Variants in FLT1 observed in about 807,000 individuals in gnomAD.
FLT1 encodes the protein vascular endothelial growth factor receptor 1.
FLT1 carries 49 observed loss-of-function variants against 156.3 expected under a neutral mutation model. The ratio of observed to expected loss-of-function variants is 0.31; its 90% CI spans 0.25 to 0.40. The LOEUF is 0.40. FLT1 is among the 10% of genes least tolerant of loss of function. FLT1 has a pLI of 1.00. For missense variants in FLT1, 1,322 were observed against 1,637.2 expected (o/e 0.81, Z 3.32); for synonymous variants, 594 against 583.8 (o/e 1.02, Z -0.25).
intron 16 of FLT1, among the ~76,000 whole-genome samples, chr13:28,344,156 C>T (rs920786500): frequency 6.6e-6 from 1 of 152,156 alleles, no homozygotes; most frequent in Admixed American, 6.5e-5. Context: ...TTTTAGAATA[C>T]GGACCAAATT....
intron 11 of FLT1, chr13:28,399,077 GC>G: frequency 6.4e-7 from 1 of 1,551,270 alleles, no homozygotes; most frequent in Non-Finnish European, 8.7e-7. Flanking sequence ...TGGAAGAGAA[GC>G]TTGTAGGTGG....
chr13:28,319,815 C>T (rs1320272840), intron 23 of FLT1, among the ~76,000 whole-genome samples: 1 of 152,154 alleles, frequency 6.6e-6, no homozygotes, highest in Non-Finnish European at 1.5e-5. Flanking sequence ...AAATCCTCCC[C>T]CACAAAGAAA....
rs919499320 is a variant in FLT1, at chr13:28,419,271, C to G, written c.1436+7888G>C. Among the ~76,000 whole-genome samples, 4 of 152,222 alleles carry G rather than the reference C, an allele frequency of 2.6e-5. No homozygotes were observed. The East Asian group carries it at 5.8e-4, about 22-fold the overall frequency. On this transcript the variant is annotated intron_variant, in intron 10 of 29. Coordinates refer to ENST00000282397, the MANE Select transcript of FLT1 (RefSeq NM_002019.4). ...AAGGGCACTGATTTTACATTAAAGT[C>G]ACATAGATACCATATTTTAAGAAAC...
chr13:28,460,998 C>T (rs1319317658), intron 3 of FLT1, among the ~76,000 whole-genome samples: 1 of 152,034 alleles, frequency 6.6e-6, no homozygotes, highest in Non-Finnish European at 1.5e-5. Flanking sequence ...GGTTTCACTA[C>T]GTTGCCCAGG....
At chr13:28,428,071 T>C (rs1877454237) in intron 8 of FLT1, 150 bp from the exon 9 acceptor site, 1 of 686,484 alleles carries the variant, frequency 1.5e-6, no homozygotes, top group Non-Finnish European at 2.6e-6. Flanking sequence ...CATTAACTTT[T>C]GAGTAAAGGC....
At chr13:28,483,434 T>G (rs1043116469) in intron 1 of FLT1, among the ~76,000 whole-genome samples, 5 of 152,202 alleles carry the variant, frequency 3.3e-5, no homozygotes, top group African/African-American at 1.2e-4. Flanking sequence ...CCGTATAATT[T>G]CCATCTAAAG....
At chr13:28,362,724 T>C (rs1310527072) in intron 14 of FLT1, among the ~76,000 whole-genome samples, 2 of 152,204 alleles carry the variant, frequency 1.3e-5, no homozygotes, top group East Asian at 3.9e-4. Context: ...TTAAAGGACT[T>C]GGATTTCACT....
chr13:28,371,980 T>G (rs1302953093), intron 14 of FLT1, among the ~76,000 whole-genome samples: 1 of 148,080 alleles, frequency 6.8e-6, no homozygotes, highest in Non-Finnish European at 1.5e-5. Flanking sequence ...TGTCACAAGG[T>G]TGACTGTCAG....
At chr13:28,429,000 T>C (rs896421263) in intron 8 of FLT1, among the ~76,000 whole-genome samples, 1 of 152,146 alleles carries the variant, frequency 6.6e-6, no homozygotes, top group Non-Finnish European at 1.5e-5. Context: ...CCTTGCTACT[T>C]AGTTACTGAA....
intron 20 of FLT1, among the ~76,000 whole-genome samples, chr13:28,323,833 T>C (rs1871572564): frequency 6.6e-6 from 1 of 152,144 alleles, no homozygotes. Context: ...GAGAAGGCTA[T>C]AGTTACCAAT....
At chr13:28,368,610 A>G (rs370125087) in intron 14 of FLT1, 216 of 1,426,886 alleles carry the variant, frequency 1.5e-4, no homozygotes, top group Non-Finnish European at 2.0e-4. Context: ...GATGATGATG[A>G]TGATGACAAT....
At chr13:28,443,307 A>G (rs938293397) in intron 3 of FLT1, among the ~76,000 whole-genome samples, 4 of 152,220 alleles carry the variant, frequency 2.6e-5, no homozygotes, top group Admixed American at 6.5e-5. Flanking sequence ...TATTTTTTAA[A>G]TGTGTTTTTT....
At chr13:28,414,891 C>G (rs1876553947) in intron 10 of FLT1, among the ~76,000 whole-genome samples, 1 of 152,194 alleles carries the variant, frequency 6.6e-6, no homozygotes, top group Non-Finnish European at 1.5e-5. Context: ...TAGTGACTGT[C>G]AAATGACCTC....
chr13:28,305,746 G>A (rs1407031503), intron 29 of FLT1, among the ~76,000 whole-genome samples: 5 of 152,182 alleles, frequency 3.3e-5, no homozygotes, highest in East Asian at 1.9e-4. Flanking sequence ...ACACAAACTC[G>A]TAAACTTTCT....
At position 28,367,704 on chromosome 13, in the gene FLT1, C is replaced by T. The variant is rs139453084; in HGVS notation, c.2117-10019G>A. On this transcript the variant is annotated intron_variant, in intron 14 of 29. Coordinates refer to ENST00000282397, the MANE Select transcript of FLT1 (RefSeq NM_002019.4). ...GCAGGCCATGTGTTTGCCTCCTGTTCCCCCCCACACACAAAAGTGGCTTGT... is the reference window on the plus strand; with the variant it reads ...GCAGGCCATGTGTTTGCCTCCTGTTTCCCCCCACACACAAAAGTGGCTTGT... Among the ~76,000 whole-genome samples, 17 of 151,682 alleles carry T rather than the reference C, an allele frequency of 1.1e-4. 1 individual carries two copies. Among genetic ancestry groups the T allele is most frequent in the African/African-American group, 9.7e-5 (4 of 41,368 alleles).
intron 25 of FLT1, among the ~76,000 whole-genome samples, chr13:28,312,859 G>A (rs915159612): frequency 6.6e-6 from 1 of 152,136 alleles, no homozygotes; most frequent in East Asian, 1.9e-4. Context: ...TTGGGCTCCT[G>A]GATAATGAAA....
At chr13:28,474,452 AAAAAC>A (rs200005773) in intron 1 of FLT1, among the ~76,000 whole-genome samples, 64 of 148,518 alleles carry the variant, frequency 4.3e-4, no homozygotes, top group East Asian at 1.2e-3. Context: ...ACTCTGTCTC[AAAAAC>A]AAAACAAAAC....
chr13:28,476,237 G>A (rs1880538048), intron 1 of FLT1, among the ~76,000 whole-genome samples: 1 of 152,124 alleles, frequency 6.6e-6, no homozygotes, highest in African/African-American at 2.4e-5. Flanking sequence ...ACTAGAAGAG[G>A]TTTTTGGTGT....
chr13:28,423,457 C>A (rs1877134489), intron 10 of FLT1, among the ~76,000 whole-genome samples: 1 of 151,978 alleles, frequency 6.6e-6, no homozygotes, highest in African/African-American at 2.4e-5. Flanking sequence ...ATTTTACATT[C>A]CATAATTTGC....
Sources: gnomAD v4.1 joint callset for allele counts (sites outside exome capture counted in the v4.1 genomes callset) on GRCh38, gnomAD v4.1.1 for gene constraint, MANE v1.5 for transcripts, NCBI Gene and HGNC (gene_info 2026-07-23, HGNC 2026-07-21) for gene names.